The following SPAG16 variants were observed in gnomAD, a reference collection of about 807,000 sequenced individuals.
SPAG16 encodes the protein sperm-associated antigen 16 protein.
SPAG16 carries 86 observed loss-of-function variants against 80.4 expected under a neutral mutation model. The ratio of observed to expected loss-of-function variants is 1.07; its 90% CI spans 0.90 to 1.28. The LOEUF is 1.28. Among genes scored for constraint, SPAG16 ranks in the 50% most tolerant of loss-of-function variants. SPAG16 has a pLI of 0.00. For missense variants in SPAG16, 870 were observed against 765.3 expected, an observed-to-expected ratio of 1.14 and a Z score of -1.61; for synonymous variants, 294 against 265.9, an observed-to-expected ratio of 1.11 and a Z score of -1.03.
At chr2:213,961,569 C>A (rs1261214938) in intron 12 of SPAG16, among the ~76,000 whole-genome samples, 4 of 147,174 alleles carry the variant, frequency 2.7e-5, no homozygotes, top group Admixed American at 6.8e-5. Flanking sequence ...ATTAAGAAAG[C>A]TGTCTTCTAA....
rs553978590 is a variant in SPAG16, at chr2:213,731,206, G to A, written c.1071-131279G>A. 1.0e-4 allele frequency among the ~76,000 whole-genome samples: 15 copies of A among 147,482 alleles called. No homozygotes were observed. The South Asian group carries it at 3.2e-3, about 32-fold the overall frequency. ...AGTTTTGCTCTTGTTGCCCAGGCTG[G>A]AGTGTAGTGGCGCGATCTCAGCTCA... On this transcript the variant is annotated intron_variant, in intron 10 of 15. Coordinates refer to ENST00000331683, the MANE Select transcript of SPAG16 (RefSeq NM_024532.5).
chr2:213,997,111 CT>C (rs2046559165), intron 12 of SPAG16, among the ~76,000 whole-genome samples: 1 of 152,120 alleles, frequency 6.6e-6, no homozygotes, highest in Admixed American at 6.5e-5. Context: ...CATATGCTGA[CT>C]TAGGAAGTTC....
chr2:213,376,600 A>G (rs776260180), intron 9 of SPAG16, among the ~76,000 whole-genome samples: 6 of 151,812 alleles, frequency 4.0e-5, no homozygotes, highest in Admixed American at 6.6e-5. Context: ...TTCTGTTTCT[A>G]TTTTTTTAAT....
intron 15 of SPAG16, among the ~76,000 whole-genome samples, chr2:214,362,855 T>TA (rs377731455): frequency 2.6e-5 from 4 of 151,732 alleles, no homozygotes; most frequent in South Asian, 2.1e-4. Flanking sequence ...TAACAAGAAA[T>TA]AAAAAAATGC....
chr2:214,104,572 A>C (rs1458877072), intron 13 of SPAG16, among the ~76,000 whole-genome samples: 1 of 151,806 alleles, frequency 6.6e-6, no homozygotes, highest in Non-Finnish European at 1.5e-5. Flanking sequence ...TTGGGGCTGG[A>C]GTGGGGGAAG....
intron 15 of SPAG16, among the ~76,000 whole-genome samples, chr2:214,219,901 TA>T (rs1258098455): frequency 4.6e-5 from 7 of 152,146 alleles, no homozygotes; most frequent in African/African-American, 1.7e-4. Context: ...ATAGACAGTA[TA>T]AACCTTATTA....
At chr2:213,630,521 G>T (rs567855297) in intron 10 of SPAG16, among the ~76,000 whole-genome samples, 1 of 152,170 alleles carries the variant, frequency 6.6e-6, no homozygotes, top group South Asian at 2.1e-4. Flanking sequence ...TATCAGTGTG[G>T]GCTGGGATAT....
At chr2:213,474,094 C>T (rs2073245118) in intron 9 of SPAG16, among the ~76,000 whole-genome samples, 1 of 152,176 alleles carries the variant, frequency 6.6e-6, no homozygotes, top group Non-Finnish European at 1.5e-5. Flanking sequence ...CATGGGGATG[C>T]TTTTCCTTCT....
chr2:213,862,787 C>T (rs575403212), intron 11 of SPAG16, among the ~76,000 whole-genome samples, 159 bp downstream of exon 11: 2 of 152,286 alleles, frequency 1.3e-5, no homozygotes, highest in South Asian at 4.1e-4. Context: ...CTTTGGTTTT[C>T]AGTATATTGA....
At chr2:214,028,767 G>C (rs1436317577) in intron 13 of SPAG16, among the ~76,000 whole-genome samples, 1 of 151,940 alleles carries the variant, frequency 6.6e-6, no homozygotes, top group East Asian at 1.9e-4. Flanking sequence ...AAAAATGTAT[G>C]TATGTGTGTA....
At chr2:213,330,938 A>G (rs1370109169) in intron 5 of SPAG16, among the ~76,000 whole-genome samples, 3 of 152,138 alleles carry the variant, frequency 2.0e-5, no homozygotes, top group East Asian at 3.9e-4. Context: ...GCTGCCATCC[A>G]TGTAAGATGT....
intron 8 of SPAG16, among the ~76,000 whole-genome samples, chr2:213,369,177 GA>G (rs1205050831): frequency 1.3e-5 from 2 of 152,158 alleles, no homozygotes; most frequent in Non-Finnish European, 2.9e-5. Context: ...CAAGCTCGGA[GA>G]TTTTTTGCAA....
chr2:213,464,855 T>A (rs184215078), intron 9 of SPAG16, among the ~76,000 whole-genome samples: 1 of 152,348 alleles, frequency 6.6e-6, no homozygotes, highest in Admixed American at 6.5e-5. Flanking sequence ...ATTTGGTAGA[T>A]GAAGTTTGCC....
At chr2:213,367,329 G>A (rs557351818) in intron 8 of SPAG16, among the ~76,000 whole-genome samples, 1 of 151,874 alleles carries the variant, frequency 6.6e-6, no homozygotes, top group African/African-American at 2.4e-5. Flanking sequence ...GGGTCAAATG[G>A]TATTTCTAGT....
chr2:213,932,673 T>G (rs2078817057), intron 12 of SPAG16, among the ~76,000 whole-genome samples: 1 of 152,200 alleles, frequency 6.6e-6, no homozygotes, highest in South Asian at 2.1e-4. Context: ...GCTCTGCAGC[T>G]GTTTCTGAAT....
At chr2:214,275,249 T>C (rs555040330) in intron 15 of SPAG16, among the ~76,000 whole-genome samples, 1 of 152,334 alleles carries the variant, frequency 6.6e-6, no homozygotes, top group Non-Finnish European at 1.5e-5. Context: ...AAAAACCAGC[T>C]GCTAGATTCA....
intron 10 of SPAG16, among the ~76,000 whole-genome samples, chr2:213,714,709 A>T (rs190968974): frequency 1.1e-4 from 16 of 152,330 alleles, no homozygotes; most frequent in Non-Finnish European, 1.9e-4. Flanking sequence ...AAAATGCAGA[A>T]ATTCATAACA....
chr2:213,659,807 T>A (rs756211175), intron 10 of SPAG16, among the ~76,000 whole-genome samples: 1 of 152,184 alleles, frequency 6.6e-6, no homozygotes, highest in Non-Finnish European at 1.5e-5. Context: ...TATTTAATCC[T>A]ATGAAAGAGC....
Position 214,204,044 on chromosome 2 carries a change from G to A in SPAG16, c.1720+54778G>A, listed in dbSNP as rs2058080650. On this transcript the variant is annotated intron_variant, in intron 15 of 15. Coordinates refer to ENST00000331683, the MANE Select transcript of SPAG16 (RefSeq NM_024532.5). ...GGCTGCATAGGAGCTGATGAGGCCT[G>A]TAACTGCCAGCTTTCCCCCACTTCC... is the stretch of plus-strand genomic sequence containing the variant. Among the ~76,000 whole-genome samples, 11 of 152,296 alleles carry A rather than the reference G, an allele frequency of 7.2e-5. No homozygotes were observed. The South Asian group carries it at 2.3e-3, about 32-fold the overall frequency.
Sources: allele counts gnomAD v4.1 joint callset (sites outside exome capture counted in the v4.1 genomes callset), GRCh38; gene constraint gnomAD v4.1.1; transcripts MANE v1.5; gene names NCBI Gene and HGNC (gene_info 2026-07-23, HGNC 2026-07-21).